The following AFG3L2 variants were observed in gnomAD, a reference collection of about 807,000 sequenced individuals.
AFG3L2 encodes the protein mitochondrial inner membrane m-AAA protease component AFG3L2.
A neutral mutation model predicts 94.5 loss-of-function variants in AFG3L2; 54 were observed. That is an observed-to-expected ratio of 0.57 (90% CI 0.46 to 0.72). AFG3L2 has a LOEUF of 0.72. AFG3L2 is among the 30% of genes least tolerant of loss of function. AFG3L2 has a pLI of 0.00. For missense variants in AFG3L2, 754 were observed against 994.9 expected (o/e 0.76, Z 3.26); for synonymous variants, 377 against 365.5 (o/e 1.03, Z -0.36).
intron 6 of AFG3L2, among the ~76,000 whole-genome samples, chr18:12,361,239 A>AGG (rs1171128849): frequency 7.9e-5 from 12 of 152,110 alleles, no homozygotes; most frequent in African/African-American, 2.9e-4. Flanking sequence ...GCATGGTGGC[A>AGG]CCCACCTATA....
intron 12 of AFG3L2, 81 bp downstream of exon 12, chr18:12,351,004 G>A: frequency 1.3e-6 from 2 of 1,571,062 alleles, no homozygotes; most frequent in Non-Finnish European, 1.7e-6. Context: ...AAGTGAAAAG[G>A]TAAGAAAGTA....
intron 6 of AFG3L2, among the ~76,000 whole-genome samples, chr18:12,362,402 C>T (rs549041168): frequency 1.3e-5 from 2 of 152,314 alleles, no homozygotes; most frequent in South Asian, 2.1e-4. Context: ...CAAAGACATC[C>T]ATAACCCCAA....
chr18:12,374,065 G>A (rs890463618), intron 1 of AFG3L2, among the ~76,000 whole-genome samples: 2 of 152,140 alleles, frequency 1.3e-5, no homozygotes, highest in African/African-American at 2.4e-5. Context: ...CATAAATATT[G>A]ACAGAAAAGC....
chr18:12,350,602 A>C (rs183476884), intron 12 of AFG3L2, among the ~76,000 whole-genome samples: 1 of 152,366 alleles, frequency 6.6e-6, no homozygotes, highest in Admixed American at 6.5e-5. Flanking sequence ...AGATGGGTTC[A>C]TTACACCATT....
At chr18:12,340,866 TA>T (rs1907928057) in intron 14 of AFG3L2, 1 of 169,642 alleles carries the variant, frequency 5.9e-6, no homozygotes, top group Non-Finnish European at 1.3e-5. Context: ...CTGCTGGGAT[TA>T]CAGGCGTGAG....
rs181573830 is a variant in AFG3L2, at chr18:12,334,714, C to T, written c.2175+2627G>A. ...CCACCTGAGGAGTGCTGAGATGCCC[C>T]CACTGCTTCCAAGCTGGTCTGGTCT... On this transcript the variant is annotated intron_variant, in intron 16 of 16. Transcript: ENST00000269143. Among the ~76,000 whole-genome samples, 3 of 152,330 alleles carry T rather than the reference C, an allele frequency of 2.0e-5. No individual in the cohort carries two copies. The East Asian group carries it at 5.8e-4, about 29-fold the overall frequency.
At position 12,340,385 on chromosome 18, in the gene AFG3L2, C is replaced by T. The variant is rs1263405472; in HGVS notation, c.1796G>A (p.Arg599His). ...DPLLKVSIIP[R>H]GKGLGYAQYL... The stretch of plus-strand genomic sequence containing the variant: ...CTGAGCATAACCTAGTCCTTTGCCA[C>T]GTGGGATGATGGATACCTGGTAAGT... Residue 599 changes from arginine to histidine, a missense_variant, in exon 15 of 17, where the codon CGT becomes CAT. Arg to His is a conservative substitution (Grantham distance 29). This residue lies in a region of AFG3L2 where 279 missense variants were observed against 378.6 expected (regional missense o/e 0.74). Coordinates refer to ENST00000269143, the MANE Select transcript of AFG3L2 (RefSeq NM_006796.3). The T allele has an allele frequency of 1.4e-5, 23 of 1,613,738 alleles. No homozygotes were observed. Among genetic ancestry groups the T allele is most frequent in the East Asian group, 4.5e-5 (2 of 44,880 alleles).
chr18:12,368,574 G>A (rs890545005), intron 3 of AFG3L2, among the ~76,000 whole-genome samples: 8 of 152,202 alleles, frequency 5.3e-5, no homozygotes, highest in Middle Eastern at 6.8e-3. Flanking sequence ...TGTTTTAGAC[G>A]GAGTTTCACT....
At chr18:12,360,287 T>TA (rs1908620187) in intron 6 of AFG3L2, 1 of 480,788 alleles carries the variant, frequency 2.1e-6, no homozygotes, top group African/African-American at 2.0e-5. Context: ...TCAGTGGCTC[T>TA]AAAATTATAA....
intron 9 of AFG3L2, among the ~76,000 whole-genome samples, chr18:12,356,121 C>A (rs116138717): frequency 4.3e-4 from 60 of 138,222 alleles, no homozygotes; most frequent in East Asian, 4.2e-4. Flanking sequence ...ATGTTGTCAC[C>A]AAAAAAAAAA....
At chr18:12,375,448 C>G (rs1357772476) in intron 1 of AFG3L2, among the ~76,000 whole-genome samples, 4 of 150,802 alleles carry the variant, frequency 2.7e-5, no homozygotes, top group Non-Finnish European at 4.4e-5. Flanking sequence ...AGGCCAGGAG[C>G]TGTGGCTCAG....
At chr18:12,350,212 T>C (rs1232045277) in intron 12 of AFG3L2, among the ~76,000 whole-genome samples, 5 of 145,070 alleles carry the variant, frequency 3.4e-5, no homozygotes, top group African/African-American at 5.1e-5. Context: ...GGTTTTGCCA[T>C]GTTAGCCAGG....
At chr18:12,343,742 C>T (rs1908030800) in intron 14 of AFG3L2, 1 of 228,946 alleles carries the variant, frequency 4.4e-6, no homozygotes, top group African/African-American at 2.3e-5. Context: ...TTCCAGTATT[C>T]TTTAAGTCCT....
chr18:12,373,649 A>G (rs1405520494), intron 1 of AFG3L2, among the ~76,000 whole-genome samples: 3 of 152,188 alleles, frequency 2.0e-5, no homozygotes, highest in African/African-American at 7.2e-5. Flanking sequence ...GAGGGGAAGT[A>G]TGAGAAACAG....
intron 16 of AFG3L2, among the ~76,000 whole-genome samples, chr18:12,333,362 ATATT>A (rs1598818570): frequency 4.5e-5 from 6 of 133,078 alleles, no homozygotes; most frequent in South Asian, 2.2e-4. Context: ...TTATATATAT[ATATT>A]TTTTCCCCCT....
In AFG3L2 at chr18:12,375,800, G is replaced by C. The variant is rs114453970; in HGVS notation, c.114+1169C>G. 8.8e-3 allele frequency among the ~76,000 whole-genome samples: 1,345 copies of C among 152,056 alleles called. 14 individuals carry two copies. The highest frequency in any genetic ancestry group is 0.03 in the African/African-American group (1,263 of 41,510). On this transcript the variant is annotated intron_variant, in intron 1 of 16. Coordinates refer to ENST00000269143, the MANE Select transcript of AFG3L2 (RefSeq NM_006796.3). Reference sequence around the variant, plus strand: ...GACCTCGTGATCCACCCGCCTGCTGGGATTACAGCCGTGAGCTACCGCGCC... The same window carrying C: ...GACCTCGTGATCCACCCGCCTGCTGCGATTACAGCCGTGAGCTACCGCGCC...
chr18:12,351,209 T>C lies in AFG3L2; in HGVS notation c.1428A>G (p.Gly476=). 1 of 1,614,108 alleles carries C rather than the reference T, an allele frequency of 6.2e-7. No homozygotes were observed. Among genetic ancestry groups the C allele is most frequent in the Non-Finnish European group, 8.5e-7 (1 of 1,180,014 alleles). The change falls in exon 12 of 17, where the codon GGA becomes GGG. Residue 476 remains glycine, a splice_region_variant and synonymous_variant. Transcript: ENST00000269143. ...AAGCTCTTCCTTTTATGTCTGGTGGTCCTTTAGAAATCATTTTTAAGGAAA... is the reference window on the plus strand; with the variant it reads ...AAGCTCTTCCTTTTATGTCTGGTGGCCCTTTAGAAATCATTTTTAAGGAAA... ...PGRFDRQIFI[G]PPDIKGRASI...
intron 9 of AFG3L2, among the ~76,000 whole-genome samples, chr18:12,354,891 T>C (rs992632720): frequency 6.6e-6 from 1 of 151,934 alleles, no homozygotes; most frequent in Admixed American, 6.6e-5. Flanking sequence ...CTATGACTTA[T>C]CTGCACAACA....
rs1291402347 is a variant in AFG3L2 at position 12,377,036 on chromosome 18, G to C, written c.47C>G (p.Pro16Arg). The change falls in exon 1 of 17, where the codon CCC becomes CGC. Residue 16 changes from proline (P) to arginine (R), a missense_variant. Coordinates refer to ENST00000269143, the MANE Select transcript of AFG3L2 (RefSeq NM_006796.3). ...LRLWGRGGCW[P>R]RGLQQLLVPG... ...CACGAGGAGCTGCTGTAGGCCGCGG[G>C]GCCAGCAGCCGCCCCGGCCCCACAG... 6.9e-7 allele frequency: 1 copy of C among 1,440,606 alleles called. No individual in the cohort carries two copies. The allele number at this position is 1,440,606 out of a possible 1,614,324, so 89.2% of individuals were successfully genotyped here. A position where few individuals can be genotyped will look rare whatever the true frequency, so the allele number is the denominator to read the frequency against.
Sources: gnomAD v4.1 joint callset for allele counts (sites outside exome capture counted in the v4.1 genomes callset) on GRCh38, gnomAD v4.1.1 for gene constraint, gnomAD v4.1.1 regional missense constraint, MANE v1.5 for transcripts, NCBI Gene and HGNC (gene_info 2026-07-23, HGNC 2026-07-21) for gene names.